The following DNAH12 variants were observed in gnomAD, a reference collection of about 807,000 sequenced individuals.
DNAH12 encodes the protein dynein axonemal heavy chain 12, also known as axonemal beta dynein heavy chain 12.
A neutral mutation model predicts 371.5 loss-of-function variants in DNAH12; 285 were observed. That is an observed-to-expected ratio of 0.77 (90% CI 0.70 to 0.85). The LOEUF is 0.85. Ranked by LOEUF, DNAH12 falls within the 40% of genes least tolerant of loss-of-function variation. The pLI is 0.00. For missense variants in DNAH12, 3,611 were observed against 3,689.4 expected, an observed-to-expected ratio of 0.98 and a Z score of 0.55; for synonymous variants, 1,200 against 1,213.0, an observed-to-expected ratio of 0.99 and a Z score of 0.22.
At chr3:57,457,698 A>G in intron 22 of DNAH12, 23 bp downstream of exon 22, 1 of 1,542,282 alleles carries the variant, frequency 6.5e-7, no homozygotes, top group Non-Finnish European at 8.8e-7. Context: ...TATAGGGTAT[A>G]TATCAAATCC....
At chr3:57,540,080 C>T (rs2069210658) in intron 2 of DNAH12, among the ~76,000 whole-genome samples, 1 of 151,062 alleles carries the variant, frequency 6.6e-6, no homozygotes, top group Non-Finnish European at 1.5e-5. Flanking sequence ...GAGATGGAGT[C>T]TCGCTCTGTT....
intron 70 of DNAH12, among the ~76,000 whole-genome samples, chr3:57,300,628 G>A (rs2107651146): frequency 6.6e-6 from 1 of 152,202 alleles, no homozygotes; most frequent in Non-Finnish European, 1.5e-5. Context: ...GCAAGATATG[G>A]TTGACCTATC....
intron 60 of DNAH12, among the ~76,000 whole-genome samples, chr3:57,350,407 T>C (rs1217522952): frequency 3.3e-5 from 5 of 152,200 alleles, no homozygotes; most frequent in African/African-American, 1.2e-4. Flanking sequence ...GAATGTATTA[T>C]TTATGGCAAG....
At chr3:57,554,867 T>C in the DNAH12 span, among the ~76,000 whole-genome samples, 2 of 152,176 alleles carry the variant, frequency 1.3e-5, no homozygotes, top group African/African-American at 4.8e-5. Context: ...TCCACCCGCC[T>C]CAGCCTCCCA....
At chr3:57,343,597 TGA>T (rs1423717968) in intron 60 of DNAH12, among the ~76,000 whole-genome samples, 2 of 152,180 alleles carry the variant, frequency 1.3e-5, no homozygotes, top group Non-Finnish European at 2.9e-5. Context: ...CCTTGTGGGA[TGA>T]GAAAGACCTG....
At chr3:57,315,795 T>C (rs1184078801) in intron 65 of DNAH12, among the ~76,000 whole-genome samples, 1 of 152,138 alleles carries the variant, frequency 6.6e-6, no homozygotes, top group Non-Finnish European at 1.5e-5. Context: ...TCTGAATAGT[T>C]GAAGGTTGCC....
chr3:57,408,706 T>TC (rs1346188625), intron 39 of DNAH12, among the ~76,000 whole-genome samples, 171 bp from the exon 40 acceptor site: 1 of 151,954 alleles, frequency 6.6e-6, no homozygotes, highest in African/African-American at 2.4e-5. Context: ...ATTTGGTTTC[T>TC]CCCCTCAGTG....
rs1559608294 is a variant in DNAH12 at position 57,389,840 on chromosome 3, A to AT, written c.7305+2031_7305+2032insA. ...TGTGTGTGTATATATATATATATATAATACTTTTTTTTTTGAAATGGAGTT... is the reference window on the plus strand; with the variant it reads ...TGTGTGTGTATATATATATATATATATATACTTTTTTTTTTGAAATGGAGTT... On this transcript the variant is annotated intron_variant, in intron 45 of 73. Coordinates refer to ENST00000495027, the MANE Select transcript of DNAH12 (RefSeq NM_001366028.2). 3.0e-3 allele frequency among the ~76,000 whole-genome samples: 297 copies of AT among 98,470 alleles called. 1 individual carries two copies. The highest frequency in any genetic ancestry group is 6.1e-3 in the Middle Eastern group (1 of 164). 64.6% of individuals were successfully genotyped at this position (98,470 alleles called of 152,430 possible).
rs990272547 is a variant in DNAH12, at chr3:57,509,096, A to G, written c.542+44T>C. ...TAAGATCAGTTTATTTTTTATCTATATCAAAAATTGGATGAAGTACTGTTT... is the reference window on the plus strand; with the variant it reads ...TAAGATCAGTTTATTTTTTATCTATGTCAAAAATTGGATGAAGTACTGTTT... On this transcript the variant is annotated intron_variant, in intron 6 of 73. Transcript: ENST00000495027. The G allele has an allele frequency of 9.9e-6, 15 of 1,510,590 alleles. No individual in the cohort carries two copies. In the Admixed American group the frequency reaches 1.8e-4, roughly 19 times the overall value. 93.6% of individuals were successfully genotyped at this position (1,510,590 alleles called of 1,614,324 possible). A position where few individuals can be genotyped will look rare whatever the true frequency, so the allele number is the denominator to read the frequency against.
chr3:57,450,254 A>AAAAAAAAAG (rs2065718590), intron 25 of DNAH12, among the ~76,000 whole-genome samples: 1 of 146,684 alleles, frequency 6.8e-6, no homozygotes, highest in African/African-American at 2.5e-5. Flanking sequence ...TCAATTTAAA[A>AAAAAAAAAG]AAAAAAAAAG....
At chr3:57,295,467 T>C in intron 73 of DNAH12, 58 bp downstream of exon 73, 1 of 1,461,924 alleles carries the variant, frequency 6.8e-7, no homozygotes, top group Non-Finnish European at 9.3e-7. Flanking sequence ...GAGCAGTGTA[T>C]AATATCCATC....
the DNAH12 span, among the ~76,000 whole-genome samples, chr3:57,551,512 C>T: frequency 6.6e-6 from 1 of 152,026 alleles, no homozygotes; most frequent in African/African-American, 2.4e-5. Context: ...ACCTCGTGAT[C>T]CGCCCGCCTT....
rs567811075 is a variant in DNAH12, at chr3:57,418,012, C to G, written c.5714+1355G>C. On this transcript the variant is annotated intron_variant, in intron 37 of 73. Transcript: ENST00000495027. ...CTAAAAATACAAAAAATTAGCCTGG[C>G]GTGGTGGCAGGTGCCTGTAATCCCA... Among the ~76,000 whole-genome samples the G allele has an allele frequency of 4.0e-5, 6 of 151,654 alleles. No individual in the cohort carries two copies. The South Asian group carries it at 1.3e-3, about 32-fold the overall frequency.
chr3:57,457,982 A>G lies in DNAH12; in HGVS notation c.3075T>C (p.Asp1025=), dbSNP rs1161326635. 1.3e-6 allele frequency: 2 copies of G among 1,549,542 alleles called. No homozygotes were observed. The highest frequency in any genetic ancestry group is 2.4e-5 in the South Asian group (2 of 83,876). Reference sequence around the variant, plus strand: ...TCTCTGATAAAATCTCTAACATTTCATCATTAGATAAGAAGAAAAAACTAG... The same window carrying G: ...TCTCTGATAAAATCTCTAACATTTCGTCATTAGATAAGAAGAAAAAACTAG... ...FFPRFFFLSN[D]EMLEILSETK... Residue 1025 remains aspartate (D), a synonymous_variant, in exon 22 of 74, where the codon GAT becomes GAC. Transcript: ENST00000495027.
chr3:57,366,472 G>A (rs1263447136), intron 57 of DNAH12, among the ~76,000 whole-genome samples: 3 of 152,094 alleles, frequency 2.0e-5, no homozygotes, highest in South Asian at 2.1e-4. Flanking sequence ...CAACCCTTTC[G>A]TGGAGTCTGG....
At chr3:57,499,888 T>G (rs2067471702) in intron 11 of DNAH12, among the ~76,000 whole-genome samples, 1 of 150,232 alleles carries the variant, frequency 6.7e-6, no homozygotes, top group Admixed American at 6.7e-5. Context: ...GTTAGAAAAA[T>G]TAAAATGTAT....
chr3:57,339,240 G>A (rs1185350019), intron 60 of DNAH12, among the ~76,000 whole-genome samples: 3 of 152,070 alleles, frequency 2.0e-5, no homozygotes, highest in Non-Finnish European at 4.4e-5. Context: ...CAAACACTGC[G>A]GAAGGCCGCA....
At chr3:57,297,034 G>A in intron 70 of DNAH12, 50 bp from the exon 71 acceptor site, 1 of 1,538,672 alleles carries the variant, frequency 6.5e-7, no homozygotes, top group Non-Finnish European at 8.8e-7. Context: ...AGTTATACAA[G>A]TGCCACCTGA....
intron 30 of DNAH12, among the ~76,000 whole-genome samples, chr3:57,436,312 TG>T (rs1239319970): frequency 2.0e-5 from 3 of 152,208 alleles, no homozygotes; most frequent in Non-Finnish European, 4.4e-5. Flanking sequence ...AAAATGCTTA[TG>T]GCTCCTTAGA....
Sources: allele counts gnomAD v4.1 joint callset (sites outside exome capture counted in the v4.1 genomes callset), GRCh38; gene constraint gnomAD v4.1.1; transcripts MANE v1.5; gene names NCBI Gene and HGNC (gene_info 2026-07-23, HGNC 2026-07-21).